HTT: variants seen among roughly 807,000 people sequenced by gnomAD.
HTT encodes the protein huntingtin, also known as huntington disease protein.
A neutral mutation model predicts 362.3 loss-of-function variants in HTT; 104 were observed. That is an observed-to-expected ratio of 0.29 (90% confidence interval 0.24 to 0.34). The LOEUF (loss-of-function observed/expected upper bound fraction) is 0.34. Ranked by LOEUF, HTT falls within the 10% of genes least tolerant of loss-of-function variation. The pLI is 1.00. For missense variants in HTT, 3,301 were observed against 3,928.6 expected (o/e 0.84, Z 4.27); for synonymous variants, 1,577 against 1,548.7 (o/e 1.02, Z -0.43).
intron 51 of HTT, among the ~76,000 whole-genome samples, chr4:3,215,439 T>G (rs900299252): frequency 6.6e-6 from 1 of 152,140 alleles, no homozygotes; most frequent in African/African-American, 2.4e-5. Context: ...TCTCTGACCC[T>G]ACAGACCAGC....
intron 57 of HTT, among the ~76,000 whole-genome samples, chr4:3,227,341 G>T (rs3135054): frequency 0.07 from 4,144 of 59,462 alleles, 239 homozygotes; most frequent in African/African-American, 0.14. Context: ...GGGGCTGAAG[G>T]ACAGTGCCAC....
chr4:3,084,198 CTTTTTTTTT>C (rs4038024), intron 1 of HTT, among the ~76,000 whole-genome samples: 1 of 81,956 alleles, frequency 1.2e-5, no homozygotes, highest in Non-Finnish European at 2.4e-5. Context: ...AATGCTTTGT[CTTTTTTTTT>C]TTTTTTTTTT....
intron 36 of HTT, 22 bp from the exon 37 acceptor site, chr4:3,182,332 C>A: frequency 6.6e-7 from 1 of 1,521,704 alleles, no homozygotes; most frequent in Non-Finnish European, 9.1e-7. Flanking sequence ...AGCAGACTTT[C>A]TAATTGTGCA....
chr4:3,121,503 G>T, intron 9 of HTT, 71 bp downstream of exon 9: 1 of 1,027,816 alleles, frequency 9.7e-7, no homozygotes, highest in South Asian at 1.4e-5. Context: ...ATTGATTATG[G>T]GCCTGCCCTG....
chr4:3,163,660 G>A (rs1385393655), intron 29 of HTT, among the ~76,000 whole-genome samples: 2 of 152,170 alleles, frequency 1.3e-5, no homozygotes, highest in African/African-American at 4.8e-5. Flanking sequence ...GAGGGTGTAT[G>A]TGTCCAGGAA....
At chr4:3,135,548 A>G (rs1716022197) in intron 19 of HTT, among the ~76,000 whole-genome samples, 2 of 152,010 alleles carry the variant, frequency 1.3e-5, no homozygotes, top group South Asian at 4.1e-4. Context: ...CTCCACCCAC[A>G]GATAGGGACG....
chr4:3,097,749 A>G (rs955620000), intron 2 of HTT, among the ~76,000 whole-genome samples: 1 of 152,232 alleles, frequency 6.6e-6, no homozygotes, highest in Non-Finnish European at 1.5e-5. Flanking sequence ...AGAAACTATT[A>G]AAGCTCTCTC....
rs769661115 is a variant in HTT, at chr4:3,206,867, G to A, written c.5959G>A (p.Ala1987Thr). Reference protein sequence around the residue: ...LEGIHLSQSGAVLTLYVDRLL... With the variant: ...LEGIHLSQSGTVLTLYVDRLL... ...GGGGATCCATCTCAGCCAGTCGGGA[G>A]CTGTGCTCACGCTGTATGTGGACAG... is the stretch of plus-strand genomic sequence containing the variant. Residue 1987 changes from alanine to threonine, a missense_variant, in exon 44 of 67, where the codon GCT (alanine) becomes ACT (threonine). Ala to Thr is a moderately conservative substitution (Grantham distance 58). This residue lies in a region of HTT where 2,316 missense variants were observed against 2,658.5 expected (regional missense o/e 0.87). Transcript: ENST00000355072. The surrounding 1 kb of genome is among the most constrained non-coding windows in gnomAD (Gnocchi z 4.6). 2 of 1,613,852 alleles carry A rather than the reference G, an allele frequency of 1.2e-6. No homozygotes were observed. Among genetic ancestry groups the A allele is most frequent in the Non-Finnish European group, 8.5e-7 (1 of 1,179,726 alleles).
chr4:3,086,961 A>C lies in HTT; in HGVS notation c.286A>C (p.Lys96Gln), dbSNP rs1428324375. 5 of 1,606,100 alleles carry C rather than the reference A, an allele frequency of 3.1e-6. No individual in the cohort carries two copies. The South Asian group carries it at 3.3e-5, about 11-fold the overall frequency. ...TAGAAAGAAAGAACTTTCAGCTACC[A>C]AGAAAGACCGTGTGAATCATTGTCT... Reference protein sequence around the residue: ...HRPKKELSATKKDRVNHCLTI... With the variant: ...HRPKKELSATQKDRVNHCLTI... The change falls in exon 2 of 67, where the codon AAG (lysine) becomes CAG (glutamine). Residue 96 changes from lysine to glutamine, a missense_variant. Lys to Gln is a moderately conservative substitution (Grantham distance 53). This residue lies in a region of HTT where 2,316 missense variants were observed against 2,658.5 expected (regional missense o/e 0.87). Transcript: ENST00000355072.
At chr4:3,199,261 G>A (rs1331583488) in intron 40 of HTT, among the ~76,000 whole-genome samples, 1 of 152,222 alleles carries the variant, frequency 6.6e-6, no homozygotes, top group African/African-American at 2.4e-5. Context: ...GTGGGATATT[G>A]GCCAGGCACG....
intron 1 of HTT, among the ~76,000 whole-genome samples, chr4:3,078,537 A>G (rs1034921707): frequency 2.6e-5 from 4 of 152,214 alleles, no homozygotes; most frequent in Non-Finnish European, 4.4e-5. Flanking sequence ...AAAGAGCTGT[A>G]GCACTAAGTG....
chr4:3,174,620 T>C (rs1293206870), intron 31 of HTT, 101 bp from the exon 32 acceptor site: 1 of 865,250 alleles, frequency 1.2e-6, no homozygotes, highest in Non-Finnish European at 1.9e-6. Flanking sequence ...GTTCTGATCG[T>C]GTGAATGTGA....
intron 64 of HTT, among the ~76,000 whole-genome samples, chr4:3,237,927 A>G (rs1192161478): frequency 6.6e-6 from 1 of 152,206 alleles, no homozygotes; most frequent in Non-Finnish European, 1.5e-5. Flanking sequence ...AGTGCCACGA[A>G]GCGTTAGAAC....
Position 3,146,803 on chromosome 4 carries a change from T to C in HTT, c.3150T>C (p.Pro1050=). 1 of 1,613,860 alleles carries C rather than the reference T, an allele frequency of 6.2e-7. No homozygotes were observed. The part of the protein sequence containing the change: ...IWSLGWHCGV[P]PLSASDESRK... Reference sequence around the variant, plus strand: ...TGCAAATGTCTGCTTCCAGAGTGCCTCCACTGAGTGCCTCAGATGAGTCTA... The same window carrying C: ...TGCAAATGTCTGCTTCCAGAGTGCCCCCACTGAGTGCCTCAGATGAGTCTA... The change falls in exon 25 of 67, where the codon CCT becomes CCC. Residue 1050 remains proline, a synonymous_variant. Transcript: ENST00000355072.
chr4:3,164,468 T>G (rs1717600420), intron 29 of HTT, among the ~76,000 whole-genome samples: 1 of 152,186 alleles, frequency 6.6e-6, no homozygotes, highest in Non-Finnish European at 1.5e-5. Flanking sequence ...TGAGTTCAAG[T>G]CCTGGATATC....
rs149486298 is a variant in HTT at position 3,116,901 on chromosome 4, T to C, written c.1068+638T>C. Among the ~76,000 whole-genome samples the C allele has an allele frequency of 4.9e-4, 74 of 152,330 alleles. 3 individuals are homozygous for C. The East Asian group carries it at 5.6e-3, about 12-fold the overall frequency. On this transcript the variant is annotated intron_variant, in intron 8 of 66. Coordinates refer to ENST00000355072, the MANE Select transcript of HTT (RefSeq NM_001388492.1). ...TTAAGCAATTGGATTTTTTGAACTTTACTTAAAATGTTATGTCAGGGTTTT... is the reference window on the plus strand; with the variant it reads ...TTAAGCAATTGGATTTTTTGAACTTCACTTAAAATGTTATGTCAGGGTTTT...
chr4:3,212,940 C>A (rs567263187), intron 49 of HTT: 505 of 514,570 alleles, frequency 9.8e-4, no homozygotes, highest in South Asian at 1.6e-3. Context: ...CCCTTCTCAT[C>A]TGCACCTACC....
chr4:3,090,664 G>A (rs1713454484), intron 2 of HTT, among the ~76,000 whole-genome samples: 1 of 152,118 alleles, frequency 6.6e-6, no homozygotes, highest in African/African-American at 2.4e-5. Flanking sequence ...AGATATAGGT[G>A]ACCACTTTCT....
intron 31 of HTT, 28 bp downstream of exon 31, chr4:3,173,159 T>G (rs1272831625): frequency 6.4e-7 from 1 of 1,569,406 alleles, no homozygotes; most frequent in Non-Finnish European, 8.8e-7. Flanking sequence ...AATGCTGTCG[T>G]TGGTGGAAGC....
Sources: allele counts gnomAD v4.1 joint callset (sites outside exome capture counted in the v4.1 genomes callset), GRCh38; gene constraint gnomAD v4.1.1; regional missense constraint gnomAD v4.1.1; non-coding constraint Gnocchi (gnomAD v3.1); transcripts MANE v1.5; gene names NCBI Gene and HGNC (gene_info 2026-07-23, HGNC 2026-07-21).